The following CYRIB variants were observed in gnomAD, a reference collection of about 807,000 sequenced individuals.
CYRIB encodes the protein CYFIP-related Rac1 interactor B.
CYRIB carries 8 observed loss-of-function variants against 44.2 expected under a neutral mutation model. The observed-to-expected ratio is 0.18, with a 90% CI of 0.11 to 0.33. The LOEUF (loss-of-function observed/expected upper bound fraction) is 0.33. Among genes scored for constraint, CYRIB ranks in the 10% least tolerant of loss-of-function variants. The pLI, the probability that CYRIB is intolerant of heterozygous loss-of-function variation, is 1.00. For missense variants in CYRIB, 185 were observed against 382.8 expected (o/e 0.48, Z 4.31); for synonymous variants, 131 against 127.2 (o/e 1.03, Z -0.20).
intron 3 of CYRIB, 59 bp downstream of exon 5, chr8:129,879,330 G>T (rs1022477124): frequency 3.6e-6 from 4 of 1,112,168 alleles, no homozygotes; most frequent in Admixed American, 3.7e-5. Flanking sequence ...TTCATTTAGT[G>T]CAAGACAAAC....
At chr8:130,014,536 C>T (rs1784133880) in intron 1 of CYRIB, among the ~76,000 whole-genome samples, 1 of 152,022 alleles carries the variant, frequency 6.6e-6, no homozygotes, top group Non-Finnish European at 1.5e-5. Context: ...TTACGGGGGT[C>T]GGGAGTTGGG....
chr8:129,989,877 G>A (rs1176899668), intron 1 of CYRIB, among the ~76,000 whole-genome samples: 4 of 142,606 alleles, frequency 2.8e-5, no homozygotes, highest in African/African-American at 1.1e-4. Flanking sequence ...TCCCACCTAT[G>A]AGTGAGAACA....
At position 129,965,621 on chromosome 8, in the gene CYRIB, C is replaced by G. The variant is rs959909711; in HGVS notation, c.-243+5322G>C. ...ACCGTCCTGGCTAACACGGTGAAAC[C>G]CTGTCTCTACTAAAAATACAAAAAA... On this transcript the variant is annotated intron_variant, in intron 2 of 14. Coordinates refer to the CYRIB transcript ENST00000401979. 5.3e-5 allele frequency among the ~76,000 whole-genome samples: 8 copies of G among 151,722 alleles called. No homozygotes were observed. The South Asian group carries it at 8.3e-4, about 16-fold the overall frequency.
chr8:129,868,122 T>C (rs183034847), intron 4 of CYRIB, among the ~76,000 whole-genome samples: 2 of 152,350 alleles, frequency 1.3e-5, no homozygotes, highest in East Asian at 3.9e-4. Flanking sequence ...CCTATGACTC[T>C]TGTAACACAT....
chr8:129,856,309 A>G (rs2046200411), intron 5 of CYRIB, among the ~76,000 whole-genome samples: 1 of 152,224 alleles, frequency 6.6e-6, no homozygotes, highest in Non-Finnish European at 1.5e-5. Flanking sequence ...TCAAGACTAC[A>G]ATATAAATAT....
intron 1 of CYRIB, among the ~76,000 whole-genome samples, chr8:129,909,914 C>T (rs181961966): frequency 6.6e-6 from 1 of 152,350 alleles, no homozygotes; most frequent in African/African-American, 2.4e-5. Flanking sequence ...CAGTGCCAGG[C>T]ACCCTTGCCC....
chr8:129,858,511 A>G (rs942242892), intron 5 of CYRIB, among the ~76,000 whole-genome samples: 3 of 152,194 alleles, frequency 2.0e-5, no homozygotes, highest in South Asian at 2.1e-4. Context: ...GCCCCTGGGG[A>G]GAGTTTCCCT....
In CYRIB at chr8:129,858,781, G is replaced by A. The variant is rs541628419; in HGVS notation, c.302-3034C>T. Among the ~76,000 whole-genome samples, 3 of 152,290 alleles carry A rather than the reference G, an allele frequency of 2.0e-5. No homozygotes were observed. The South Asian group carries it at 6.2e-4, about 32-fold the overall frequency. ...GCCCCTAAAGCATGAGCAAGACTGA[G>A]GGGAGACAAAGCAGTTTGTCCTACT... On this transcript the variant is annotated intron_variant, in intron 5 of 11. Transcript: ENST00000519824.
intron 2 of CYRIB, among the ~76,000 whole-genome samples, chr8:129,966,755 G>A (rs1245279342): frequency 6.6e-6 from 1 of 152,162 alleles, no homozygotes; most frequent in Admixed American, 6.5e-5. Context: ...CCAGGCTGGA[G>A]TGCAGAGGAC....
chr8:129,858,344 A>G (rs1017283397), intron 5 of CYRIB, among the ~76,000 whole-genome samples: 17 of 152,226 alleles, frequency 1.1e-4, no homozygotes, highest in African/African-American at 3.6e-4. Flanking sequence ...TTAAGCCCTA[A>G]GTTCTGGAAG....
intron 5 of CYRIB, among the ~76,000 whole-genome samples, chr8:129,860,663 A>G (rs2132191667): frequency 6.6e-6 from 1 of 152,316 alleles, no homozygotes; most frequent in South Asian, 2.1e-4. Flanking sequence ...TTTTTAAAAA[A>G]TGGAACTTCA....
intron 4 of CYRIB, 47 bp from the exon 7 acceptor site, chr8:129,862,381 AGGTTCATTTTT>A: frequency 7.4e-7 from 1 of 1,356,066 alleles, no homozygotes; most frequent in Non-Finnish European, 1.0e-6. Flanking sequence ...AAAAAAAAAA[AGGTTCATTTTT>A]ACATTAAAAT....
At chr8:130,016,110 G>C (rs1159167251) in intron 1 of CYRIB, among the ~76,000 whole-genome samples, 2 of 148,294 alleles carry the variant, frequency 1.3e-5, no homozygotes, top group East Asian at 4.0e-4. Flanking sequence ...CTCCCCTCGC[G>C]TCCGCCCGCC....
At chr8:129,902,438 T>C (rs555429662) in intron 2 of CYRIB, among the ~76,000 whole-genome samples, 78 of 152,284 alleles carry the variant, frequency 5.1e-4, no homozygotes, top group African/African-American at 1.8e-3. Flanking sequence ...CAGGCTGGTC[T>C]TGAACTCCTG....
chr8:129,916,833 T>C (rs1465847204), intron 1 of CYRIB, among the ~76,000 whole-genome samples: 1 of 152,250 alleles, frequency 6.6e-6, no homozygotes, highest in Non-Finnish European at 1.5e-5. Context: ...TTAAGTATTT[T>C]ACAACGAAGG....
At chr8:129,855,720 G>C in exon 6 of CYRIB, 9 of 1,613,262 alleles carry the variant, frequency 5.6e-6, no homozygotes, top group Non-Finnish European at 7.6e-6. Flanking sequence ...ACTTGTTAAG[G>C]CTCCCAGAAG....
chr8:129,946,759 C>A (rs527632738), intron 2 of CYRIB, among the ~76,000 whole-genome samples: 20 of 152,336 alleles, frequency 1.3e-4, no homozygotes, highest in African/African-American at 4.8e-4. Context: ...TAACATATTT[C>A]TCACAAGTGG....
intron 2 of CYRIB, among the ~76,000 whole-genome samples, chr8:129,951,912 C>G (rs191976980): frequency 1.1e-3 from 166 of 152,248 alleles, no homozygotes; most frequent in Middle Eastern, 0.01. Flanking sequence ...GAATGTGTCC[C>G]CAGCCCCTAG....
At chr8:129,949,823 G>A (rs1472736085) in intron 2 of CYRIB, among the ~76,000 whole-genome samples, 7 of 151,854 alleles carry the variant, frequency 4.6e-5, no homozygotes, top group Non-Finnish European at 8.8e-5. Context: ...GGTTGATTGC[G>A]CCATTGCACT....
Sources: allele counts gnomAD v4.1 joint callset (sites outside exome capture counted in the v4.1 genomes callset), GRCh38; gene constraint gnomAD v4.1.1; transcripts MANE v1.5; gene names NCBI Gene and HGNC (gene_info 2026-07-23, HGNC 2026-07-21).